Variants in KCNK2 observed in about 807,000 individuals in gnomAD.
The protein encoded by KCNK2 is potassium two pore domain channel subfamily K member 2, also known as potassium channel subfamily K member 2.
Under a neutral mutation model 40.5 loss-of-function variants are expected in KCNK2, and 21 were observed. That is an observed-to-expected ratio of 0.52 (90% CI 0.37 to 0.75). The LOEUF is 0.75. Among genes scored for constraint, KCNK2 ranks in the 30% least tolerant of loss-of-function variants. The pLI is 0.00. For missense variants in KCNK2, 399 were observed against 531.6 expected, an observed-to-expected ratio of 0.75 and a Z score of 2.45; for synonymous variants, 191 against 202.2, an observed-to-expected ratio of 0.94 and a Z score of 0.47.
chr1:215,054,541 G>A (rs1658091866), intron 1 of KCNK2, among the ~76,000 whole-genome samples: 1 of 152,198 alleles, frequency 6.6e-6, no homozygotes, highest in Admixed American at 6.5e-5. Flanking sequence ...CCGGTAGGCT[G>A]CACTGCACAC....
At chr1:215,205,430 G>T (rs1440368901) in intron 6 of KCNK2, among the ~76,000 whole-genome samples, 3 of 152,068 alleles carry the variant, frequency 2.0e-5, no homozygotes, top group East Asian at 1.9e-4. Context: ...TAGAGACGGG[G>T]TTTCACCATA....
chr1:215,156,556 A>G (rs1039843661), intron 3 of KCNK2, among the ~76,000 whole-genome samples: 3 of 152,172 alleles, frequency 2.0e-5, no homozygotes, highest in Admixed American at 6.5e-5. Context: ...AGAGCTTGCC[A>G]ATTTCTGTGG....
chr1:215,123,241 G>T (rs1416358476), intron 2 of KCNK2, among the ~76,000 whole-genome samples: 1 of 151,864 alleles, frequency 6.6e-6, no homozygotes, highest in Non-Finnish European at 1.5e-5. Context: ...AAACCTGCAT[G>T]TGGAATAGTA....
chr1:215,089,999 T>C (rs1241765929), intron 2 of KCNK2, among the ~76,000 whole-genome samples: 1 of 152,014 alleles, frequency 6.6e-6, no homozygotes. Context: ...GCTAATTTTG[T>C]ATTTTTAGTA....
upstream of KCNK2, among the ~76,000 whole-genome samples, chr1:215,079,765 A>G (rs1410707654): frequency 6.6e-6 from 1 of 152,210 alleles, no homozygotes; most frequent in African/African-American, 2.4e-5. Context: ...ACAAATTAGT[A>G]TACTACATTA....
At chr1:215,026,536 C>A (rs1014140922) in intron 1 of KCNK2, among the ~76,000 whole-genome samples, 4 of 151,754 alleles carry the variant, frequency 2.6e-5, no homozygotes, top group African/African-American at 9.7e-5. Flanking sequence ...AATTGAATAA[C>A]CCCTGGACCA....
chr1:215,019,407 A>G (rs1656707865), intron 1 of KCNK2, among the ~76,000 whole-genome samples: 1 of 152,232 alleles, frequency 6.6e-6, no homozygotes, highest in African/African-American at 2.4e-5. Context: ...CCCTAGAGAA[A>G]CACCATGAGC....
At chr1:215,107,387 T>A (rs1432682206) in intron 2 of KCNK2, among the ~76,000 whole-genome samples, 2 of 152,084 alleles carry the variant, frequency 1.3e-5, no homozygotes, top group Non-Finnish European at 2.9e-5. Context: ...TGCAGGATTA[T>A]ATGGTAGTTC....
intron 1 of KCNK2, among the ~76,000 whole-genome samples, chr1:215,053,725 C>T (rs1489660355): frequency 2.0e-5 from 3 of 152,176 alleles, no homozygotes; most frequent in African/African-American, 7.2e-5. Context: ...TCAGTACAAT[C>T]CCTGGCCGAG....
intron 1 of KCNK2, among the ~76,000 whole-genome samples, chr1:215,007,805 C>A (rs934241790): frequency 2.0e-5 from 3 of 151,978 alleles, no homozygotes; most frequent in African/African-American, 7.2e-5. Context: ...ATAAGCTTAA[C>A]GTTGGATAAG....
chr1:215,154,446 A>G (rs1433115426), intron 3 of KCNK2, among the ~76,000 whole-genome samples: 2 of 151,128 alleles, frequency 1.3e-5, no homozygotes, highest in Non-Finnish European at 2.9e-5. Context: ...TTTCTTGTAA[A>G]TTTGTTTAAG....
In KCNK2 at chr1:215,021,537, C is replaced by CTTT. The variant is rs538476962; in HGVS notation, c.34+15606_34+15608dup. Among the ~76,000 whole-genome samples, 78 of 96,324 alleles carry CTTT rather than the reference C, an allele frequency of 8.1e-4. 11 individuals carry two copies. The highest frequency in any genetic ancestry group is 2.9e-3 in the African/African-American group (66 of 22,556). The allele number at this position is 96,324 out of a possible 152,430, so 63.2% of individuals were successfully genotyped here. ...TCTCTTCTGGAGCTGGGACAACCAT[C>CTTT]TTTTTTTTTTTTTTTTTTTTTTTTT... On this transcript the variant is annotated intron_variant, in intron 1 of 6. Coordinates refer to the KCNK2 transcript ENST00000391895.
At chr1:215,025,583 G>A (rs1656975346) in intron 1 of KCNK2, among the ~76,000 whole-genome samples, 1 of 151,854 alleles carries the variant, frequency 6.6e-6, no homozygotes, top group South Asian at 2.1e-4. Context: ...TATATTATGT[G>A]CATACATATA....
intron 1 of KCNK2, among the ~76,000 whole-genome samples, chr1:215,008,639 C>T (rs184852980): frequency 4.7e-4 from 72 of 152,100 alleles, no homozygotes; most frequent in Admixed American, 9.8e-4. Context: ...AGTAAGCATG[C>T]GATAAGATGG....
At chr1:215,225,875 CA>C (rs1031141759) in intron 6 of KCNK2, among the ~76,000 whole-genome samples, 2 of 152,102 alleles carry the variant, frequency 1.3e-5, no homozygotes, top group Non-Finnish European at 2.9e-5. Flanking sequence ...TCCTTACCTT[CA>C]AAAAATTGGC....
chr1:215,202,676 G>C (rs932693454), intron 6 of KCNK2, among the ~76,000 whole-genome samples: 7 of 152,122 alleles, frequency 4.6e-5, no homozygotes, highest in African/African-American at 1.7e-4. Context: ...TTCAGAAATG[G>C]AAACACTTCT....
rs118034499 is a variant in KCNK2 at position 215,103,103 on chromosome 1, G to A, written c.357+16425G>A. Among the ~76,000 whole-genome samples the A allele has an allele frequency of 1.4e-3, 212 of 152,074 alleles. 9 individuals are homozygous for A. In the East Asian group the frequency reaches 0.034, roughly 24 times the overall value. ...ACACACAGGGTTTGGGATAGTAGGAGAGGAGAGAACTTTTCAGAAAGAGAT... is the reference window on the plus strand; with the variant it reads ...ACACACAGGGTTTGGGATAGTAGGAAAGGAGAGAACTTTTCAGAAAGAGAT... On this transcript the variant is annotated intron_variant, in intron 2 of 6. Coordinates refer to ENST00000444842, the MANE Select transcript of KCNK2 (RefSeq NM_001017425.3).
At chr1:215,007,151 A>ATG (rs1558054117) in intron 1 of KCNK2, among the ~76,000 whole-genome samples, 89 of 129,950 alleles carry the variant, frequency 6.8e-4, no homozygotes, top group African/African-American at 2.5e-3. Flanking sequence ...ATGTGTATAT[A>ATG]TATATGTATG....
At chr1:215,180,339 G>A (rs975172839) in intron 5 of KCNK2, among the ~76,000 whole-genome samples, 2 of 151,988 alleles carry the variant, frequency 1.3e-5, no homozygotes, top group Non-Finnish European at 2.9e-5. Context: ...TTTAAGCGAG[G>A]GCATTTAGAC....
Sources: gnomAD v4.1 joint callset for allele counts (sites outside exome capture counted in the v4.1 genomes callset) on GRCh38, gnomAD v4.1.1 for gene constraint, MANE v1.5 for transcripts, NCBI Gene and HGNC (gene_info 2026-07-23, HGNC 2026-07-21) for gene names.